Variants in ANKAR observed in about 807,000 individuals in gnomAD.
ANKAR encodes the protein ankyrin and armadillo repeat containing.
ANKAR carries 136 observed loss-of-function variants against 146.2 expected under a neutral mutation model. That is an observed-to-expected ratio of 0.93 (90% confidence interval 0.81 to 1.07). The LOEUF is 1.07. Ranked by LOEUF, ANKAR falls within the 50% of genes least tolerant of loss-of-function variation. The probability of loss-of-function intolerance (pLI) is 0.00; values close to 1 mark genes in which losing one functional copy is unlikely to be tolerated. For synonymous variants in ANKAR, 500 were observed against 575.8 expected (o/e 0.87, Z 1.88); for missense variants, 1,567 against 1,679.9 (o/e 0.93, Z 1.18).
At chr2:189,740,411 T>C (rs2043215699) in intron 19 of ANKAR, among the ~76,000 whole-genome samples, 2 of 152,124 alleles carry the variant, frequency 1.3e-5, no homozygotes, top group African/African-American at 4.8e-5. Context: ...CAGACAAAAA[T>C]ATAAGGAGAA....
chr2:189,761,074 A>AT (rs1030474661), intron 18 of ANKAR: 274 of 120,106 alleles, frequency 2.3e-3, no homozygotes, highest in East Asian at 0.012. Flanking sequence ...TATGAATAGG[A>AT]TTTTTTTTTT....
At chr2:189,678,292 T>C (rs921470381) in intron 2 of ANKAR, among the ~76,000 whole-genome samples, 1 of 152,190 alleles carries the variant, frequency 6.6e-6, no homozygotes, top group Non-Finnish European at 1.5e-5. Flanking sequence ...GGATTGTTTG[T>C]TTTTTTCTTG....
chr2:189,708,306 C>T (rs1354046276), intron 9 of ANKAR, among the ~76,000 whole-genome samples: 1 of 152,150 alleles, frequency 6.6e-6, no homozygotes, highest in East Asian at 1.9e-4. Flanking sequence ...CACATAACTT[C>T]TATTATTATA....
intron 17 of ANKAR, among the ~76,000 whole-genome samples, chr2:189,737,323 T>G (rs1282392947): frequency 6.6e-6 from 1 of 152,260 alleles, no homozygotes; most frequent in South Asian, 2.1e-4. Flanking sequence ...TTGCCCAGCC[T>G]CAGAATGTTA....
Position 189,696,107 on chromosome 2 carries a change from T to C in ANKAR, c.1489-43T>C, listed in dbSNP as rs773947680. 32 of 1,585,744 alleles carry C rather than the reference T, an allele frequency of 2.0e-5. 1 individual carries two copies. In the South Asian group the frequency reaches 3.2e-4, roughly 16 times the overall value. ...GTATTTTTTTCCTTAAACCAAACTT[T>C]AGGTGCATTTTGATAAACTGATTCT... is the stretch of plus-strand genomic sequence containing the variant. On this transcript the variant is annotated intron_variant, in intron 6 of 22. Coordinates refer to ENST00000684021, the MANE Select transcript of ANKAR (RefSeq NM_001378068.1).
chr2:189,759,397 C>T (rs921445318), intron 18 of ANKAR, among the ~76,000 whole-genome samples: 2 of 152,208 alleles, frequency 1.3e-5, no homozygotes, highest in Middle Eastern at 3.4e-3. Flanking sequence ...TACAGGCGTC[C>T]GCCACCACGC....
chr2:189,723,892 A>T (rs1467883634), intron 12 of ANKAR, among the ~76,000 whole-genome samples: 1 of 152,222 alleles, frequency 6.6e-6, no homozygotes, highest in African/African-American at 2.4e-5. Flanking sequence ...ATTACTGAAT[A>T]GCTTAGTAAA....
intron 15 of ANKAR, among the ~76,000 whole-genome samples, chr2:189,729,539 C>CT (rs897469046): frequency 4.6e-5 from 7 of 151,086 alleles, no homozygotes; most frequent in South Asian, 4.2e-4. Flanking sequence ...GAAGATGTTT[C>CT]TTTTTTTTTG....
At chr2:189,712,749 A>G (rs1407831659) in intron 10 of ANKAR, among the ~76,000 whole-genome samples, 1 of 152,192 alleles carries the variant, frequency 6.6e-6, no homozygotes, top group Non-Finnish European at 1.5e-5. Flanking sequence ...CCAGCAACAG[A>G]ACAAAGCTGG....
chr2:189,709,197 G>A (rs776250064), intron 9 of ANKAR, among the ~76,000 whole-genome samples: 1 of 152,188 alleles, frequency 6.6e-6, no homozygotes, highest in African/African-American at 2.4e-5. Context: ...AATAATAATT[G>A]TATAGACATC....
downstream of ANKAR, chr2:189,762,770 C>A (rs945290599): frequency 1.0e-6 from 1 of 985,498 alleles, no homozygotes; most frequent in Non-Finnish European, 1.2e-6. Context: ...GGAGAAAGCC[C>A]GAACCTGGCG....
intron 20 of ANKAR, 58 bp downstream of exon 20, chr2:189,741,509 C>T: frequency 2.3e-6 from 3 of 1,315,490 alleles, no homozygotes; most frequent in Middle Eastern, 3.8e-4. Context: ...TAATTTACCT[C>T]TCCCTCTGTG....
intron 15 of ANKAR, 143 bp downstream of exon 15, chr2:189,728,964 CT>C (rs1574668750): frequency 2.3e-5 from 18 of 773,668 alleles, no homozygotes; most frequent in Non-Finnish European, 3.2e-5. Context: ...ACTATTATAA[CT>C]TTTAAAGTTT....
intron 20 of ANKAR, among the ~76,000 whole-genome samples, chr2:189,742,465 A>T (rs112830847): frequency 6.6e-6 from 1 of 152,172 alleles, no homozygotes; most frequent in African/African-American, 2.4e-5. Context: ...TATTTTTTCT[A>T]GAGTCCTGTG....
At chr2:189,749,846 G>C (rs980176080), downstream of ANKAR, among the ~76,000 whole-genome samples, 5 of 152,278 alleles carry the variant, frequency 3.3e-5, no homozygotes, top group South Asian at 1.0e-3. Flanking sequence ...ATCTAAAATT[G>C]CTCTCTTGAG....
At chr2:189,701,190 CTCTT>C (rs1175117594) in intron 7 of ANKAR, among the ~76,000 whole-genome samples, 1 of 151,880 alleles carries the variant, frequency 6.6e-6, no homozygotes, top group African/African-American at 2.4e-5. Flanking sequence ...TTTCCTTTCT[CTCTT>C]TCTTCTCTTT....
chr2:189,742,848 ACAC>A (rs199787014), intron 20 of ANKAR, among the ~76,000 whole-genome samples: 1,601 of 35,316 alleles, frequency 0.045, 59 homozygotes, highest in African/African-American at 0.065. Flanking sequence ...ACACACACAC[ACAC>A]ATTAGAATTA....
chr2:189,732,505 C>A (rs1005412573), intron 16 of ANKAR, among the ~76,000 whole-genome samples: 1 of 151,708 alleles, frequency 6.6e-6, no homozygotes, highest in African/African-American at 2.4e-5. Context: ...GCTAAAGATA[C>A]AAAAAATTAG....
chr2:189,718,767 G>T (rs2040871151), intron 10 of ANKAR, among the ~76,000 whole-genome samples: 5 of 146,578 alleles, frequency 3.4e-5, no homozygotes, highest in Admixed American at 3.4e-4. Flanking sequence ...TTTTGAGACG[G>T]AGTCTCGCTC....
Sources: gnomAD v4.1 joint callset for allele counts (sites outside exome capture counted in the v4.1 genomes callset) on GRCh38, gnomAD v4.1.1 for gene constraint, MANE v1.5 for transcripts, NCBI Gene and HGNC (gene_info 2026-07-23, HGNC 2026-07-21) for gene names.